COL2A1: variants seen among roughly 807,000 people sequenced by gnomAD.
COL2A1 encodes collagen alpha-1(II) chain.
A neutral mutation model predicts 204.5 loss-of-function variants in COL2A1; 28 were observed. The observed-to-expected ratio is 0.14, with a 90% confidence interval of 0.10 to 0.19. The LOEUF is 0.19. Ranked by LOEUF, COL2A1 falls within the 10% of genes least tolerant of loss-of-function variation. The probability of loss-of-function intolerance (pLI) is 1.00; values close to 1 mark genes in which losing one functional copy is unlikely to be tolerated. For missense variants in COL2A1, 1,388 were observed against 2,027.5 expected (o/e 0.68, Z 6.06); for synonymous variants, 708 against 718.7 (o/e 0.99, Z 0.24).
At position 47,997,692 on chromosome 12, in the gene COL2A1, G is replaced by A. The variant is rs144505311; in HGVS notation, c.445C>T (p.Arg149Cys). 8.7e-6 allele frequency: 14 copies of A among 1,613,958 alleles called. No homozygotes were observed. The African/African-American group carries it at 9.3e-5, about 11-fold the overall frequency. Reference sequence around the variant, plus strand: ...GTCCCAGGTTCTCCATCTCTGCCACGAGGTCCAGGGGCACCCTTGGCATAA... The same window carrying A: ...GTCCCAGGTTCTCCATCTCTGCCACAAGGTCCAGGGGCACCCTTGGCATAA... ...DKGEKGAPGP[R>C]GRDGEPGTPG... The change falls in exon 7 of 54, where the codon CGT becomes TGT. Residue 149 changes from arginine to cysteine, a missense_variant. Arg to Cys is a radical substitution (Grantham distance 180). This residue lies in a region of COL2A1 where 201 missense variants were observed against 242.4 expected (regional missense o/e 0.83). Coordinates refer to ENST00000380518, the MANE Select transcript of COL2A1 (RefSeq NM_001844.5).
In COL2A1 at chr12:48,003,992, G is replaced by T. The variant is rs542643156; in HGVS notation, c.85+245C>A. On this transcript the variant is annotated intron_variant, in intron 1 of 53. Transcript: ENST00000380518. ...CACTTTGCAAGTTCAGTATTCTAGC[G>T]CAACGTAGGGACCTGCAAATACTTG... 8.4e-4 allele frequency: 446 copies of T among 530,772 alleles called. 3 individuals carry two copies. Among genetic ancestry groups the T allele is most frequent in the African/African-American group, 7.9e-3 (409 of 51,848 alleles). 32.9% of individuals were successfully genotyped at this position (530,772 alleles called of 1,614,324 possible). A position where few individuals can be genotyped will look rare whatever the true frequency, so the allele number is the denominator to read the frequency against.
At chr12:48,002,508 G>T in intron 1 of COL2A1, 1 of 152,340 alleles carries the variant, frequency 6.6e-6, no homozygotes, top group East Asian at 1.9e-4. Flanking sequence ...TCTGGGAGGA[G>T]GAGCGACTGG....
At chr12:47,974,932 G>T in intron 51 of COL2A1, 70 bp from the exon 52 acceptor site, 3 of 1,501,044 alleles carry the variant, frequency 2.0e-6, no homozygotes, top group Non-Finnish European at 2.7e-6. Flanking sequence ...AGAGACCCAG[G>T]CCTGACTGAA....
chr12:47,992,088 A>G (rs12318861), intron 16 of COL2A1, among the ~76,000 whole-genome samples: 2,134 of 152,264 alleles, frequency 0.014, 56 homozygotes, highest in African/African-American at 0.048. Context: ...CAGAAAGCAT[A>G]ATCTTTCTTA....
At chr12:47,993,712 C>T in intron 14 of COL2A1, 97 bp downstream of exon 14, 1 of 1,404,404 alleles carries the variant, frequency 7.1e-7, no homozygotes, top group Non-Finnish European at 1.0e-6. Context: ...TTCTGAGGAG[C>T]TAGTTCCACT....
intron 45 of COL2A1, 84 bp downstream of exon 45, chr12:47,977,516 C>T: frequency 1.1e-5 from 17 of 1,597,004 alleles, no homozygotes; most frequent in Non-Finnish European, 1.4e-5. Flanking sequence ...GAGACTTGTT[C>T]CAACCTGCCA....
Position 47,983,373 on chromosome 12 carries a change from C to A in COL2A1, c.2049+12G>T. Reference sequence around the variant, plus strand: ...CTAAACAGGTTGCAGGTCCAAAGAGCCCCATACTCACCTGGTCACCTGGTT... The same window carrying A: ...CTAAACAGGTTGCAGGTCCAAAGAGACCCATACTCACCTGGTCACCTGGTT... On this transcript the variant is annotated intron_variant, in intron 31 of 53. Transcript: ENST00000380518. The A allele has an allele frequency of 6.2e-7, 1 of 1,613,726 alleles. No individual in the cohort carries two copies. Among genetic ancestry groups the A allele is most frequent in the Admixed American group, 1.7e-5 (1 of 60,030 alleles).
rs199584542 is a variant in COL2A1 at position 47,985,610 on chromosome 12, G to A, written c.1681-23C>T. On this transcript the variant is annotated intron_variant, in intron 25 of 53. Transcript: ENST00000380518. ...ACCCTTTGTTCAGGAGAGAGAAGAG[G>A]GTGGGGTCAGGAGCCGGCCCCAGGA... 1.2e-4 allele frequency: 199 copies of A among 1,613,724 alleles called. 1 individual carries two copies. In the African/African-American group the frequency reaches 2.5e-3, roughly 20 times the overall value.
At chr12:47,983,033 G>A (rs1041587940) in intron 32 of COL2A1, 60 bp downstream of exon 32, 15 of 1,608,730 alleles carry the variant, frequency 9.3e-6, no homozygotes, top group Admixed American at 3.3e-5. Context: ...AAAGGAGCAG[G>A]AGCATAGGAC....
intron 27 of COL2A1, 83 bp downstream of exon 27, chr12:47,984,912 T>C: frequency 8.4e-7 from 1 of 1,194,162 alleles, no homozygotes; most frequent in East Asian, 2.5e-5. Context: ...TAAACTCTAC[T>C]CAGGACCCAG....
intron 15 of COL2A1, among the ~76,000 whole-genome samples, 193 bp from the exon 16 acceptor site, chr12:47,993,124 C>T (rs1207142544): frequency 6.6e-6 from 1 of 152,198 alleles, no homozygotes; most frequent in Non-Finnish European, 1.5e-5. Context: ...CAGTTTTCTC[C>T]ACAGGCGGAA....
chr12:47,985,444 C>G, intron 26 of COL2A1, 90 bp downstream of exon 26: 1 of 1,343,942 alleles, frequency 7.4e-7, no homozygotes, highest in Non-Finnish European at 1.1e-6. Context: ...GTACTTCAGG[C>G]CTCCCTAACC....
At position 47,973,082 on chromosome 12, in the gene COL2A1, C is replaced by G; in HGVS notation, c.*325G>C. 1.7e-6 allele frequency: 1 copy of G among 596,948 alleles called. No homozygotes were observed. Among genetic ancestry groups the G allele is most frequent in the Non-Finnish European group, 3.0e-6 (1 of 335,542 alleles). The allele number at this position is 596,948 out of a possible 1,614,324, so 37.0% of individuals were successfully genotyped here. A position where few individuals can be genotyped will look rare whatever the true frequency, so the allele number is the denominator to read the frequency against. ...CACACACAGTTCCTGCGCCCGGCACCTGAAGGGAGGTCTTCTGGCCTGGGC... is the reference window on the plus strand; with the variant it reads ...CACACACAGTTCCTGCGCCCGGCACGTGAAGGGAGGTCTTCTGGCCTGGGC... On this transcript the variant is annotated 3_prime_UTR_variant, in exon 54 of 54. Coordinates refer to ENST00000380518, the MANE Select transcript of COL2A1 (RefSeq NM_001844.5).
chr12:48,003,388 T>C (rs1274809618), intron 1 of COL2A1, among the ~76,000 whole-genome samples: 2 of 151,272 alleles, frequency 1.3e-5, no homozygotes, highest in Admixed American at 1.3e-4. Context: ...GAAAAGTAAC[T>C]CATTGTAGTA....
chr12:47,975,877 C>T, intron 50 of COL2A1, 86 bp downstream of exon 50: 1 of 1,053,320 alleles, frequency 9.5e-7, no homozygotes, highest in Admixed American at 1.7e-5. Context: ...GGCTGATGCC[C>T]TAAAAGAGGC....
At position 47,976,690 on chromosome 12, in the gene COL2A1, C is replaced by G. The variant is rs1364358734; in HGVS notation, c.3435+122G>C. ...CCTTTCCACTTCCTCCTCCCTCCAG[C>G]CCTGAGGAAATCCTAGAAACTGCTT... On this transcript the variant is annotated intron_variant, in intron 48 of 53. Transcript: ENST00000380518. This position sits in a 1 kb window ranked among gnomAD's most constrained non-coding sequence, Gnocchi z 4.3. 10 of 1,371,368 alleles carry G rather than the reference C, an allele frequency of 7.3e-6. No individual in the cohort carries two copies. In the East Asian group the frequency reaches 2.4e-4, roughly 33 times the overall value. The allele number at this position is 1,371,368 out of a possible 1,614,324, so 84.9% of individuals were successfully genotyped here.
rs929371471 is a variant in COL2A1 at position 47,980,467 on chromosome 12, C to T, written c.2625+87G>A. ...GGGTGTTCCCAGGCCTGCGAACCATCCTCTGCGCAGCCTGCTGGGGCCTTC... is the reference window on the plus strand; with the variant it reads ...GGGTGTTCCCAGGCCTGCGAACCATTCTCTGCGCAGCCTGCTGGGGCCTTC... On this transcript the variant is annotated intron_variant, in intron 39 of 53. Coordinates refer to ENST00000380518, the MANE Select transcript of COL2A1 (RefSeq NM_001844.5). The surrounding 1 kb of genome is among the most constrained non-coding windows in gnomAD (Gnocchi z 4.5). 6 of 1,236,942 alleles carry T rather than the reference C, an allele frequency of 4.9e-6. No individual in the cohort carries two copies. The highest frequency in any genetic ancestry group is 1.5e-5 in the African/African-American group (1 of 67,068). The allele number at this position is 1,236,942 out of a possible 1,614,324, so 76.6% of individuals were successfully genotyped here.
rs202222691 is a variant in COL2A1, at chr12:47,982,589, G to A, written c.2214C>T (p.Gly738=). ...CTGGAGGGCCCTGAGCCCCAGGGGG[G>A]CCTGCTGGGCCAGATGCACCCTGGG... The part of the protein sequence containing the change: ...DGPKGASGPA[G]PPGAQGPPGL... The change falls in exon 34 of 54, where the codon GGC becomes GGT. Residue 738 remains glycine (G), a synonymous_variant. Transcript: ENST00000380518. The A allele has an allele frequency of 1.5e-5, 24 of 1,613,090 alleles. No individual in the cohort carries two copies. The highest frequency in any genetic ancestry group is 4.5e-5 in the East Asian group (2 of 44,868).
chr12:47,974,188 G>T lies in COL2A1; in HGVS notation c.4218C>A (p.Asn1406Lys). The change falls in exon 53 of 54, where the codon AAC becomes AAA. Residue 1406 changes from asparagine to lysine, a missense_variant. Around this residue, in one of 3 missense-constraint regions of COL2A1, gnomAD observed 303 missense variants for 369.2 expected, o/e 0.82. Transcript: ENST00000380518. ...SIAYLDEAAGNLKKALLIQGS... is the reference protein window; with the variant it reads ...SIAYLDEAAGKLKKALLIQGS... The stretch of plus-strand genomic sequence containing the variant: ...CCTGGATGAGCAGGGCCTTCTTGAG[G>T]TTGCCAGCTGCTTCGTCCAGATAGG... The T allele has an allele frequency of 1.2e-6, 2 of 1,614,240 alleles. No individual in the cohort carries two copies. Among genetic ancestry groups the T allele is most frequent in the Non-Finnish European group, 1.7e-6 (2 of 1,180,042 alleles).
Sources: allele counts gnomAD v4.1 joint callset (sites outside exome capture counted in the v4.1 genomes callset), GRCh38; gene constraint gnomAD v4.1.1; regional missense constraint gnomAD v4.1.1; non-coding constraint Gnocchi (gnomAD v3.1); transcripts MANE v1.5; gene names NCBI Gene and HGNC (gene_info 2026-07-23, HGNC 2026-07-21).